The following BCKDHB variants were observed in gnomAD, a reference collection of about 807,000 sequenced individuals.
BCKDHB encodes 2-oxoisovalerate dehydrogenase subunit beta, mitochondrial.
A neutral mutation model predicts 48.5 loss-of-function variants in BCKDHB; 41 were observed. The observed-to-expected ratio is 0.85, with a 90% CI of 0.66 to 1.10. The LOEUF (loss-of-function observed/expected upper bound fraction) is 1.10, where lower values mean the gene tolerates loss of function less well. Ranked by LOEUF, BCKDHB falls within the 50% of genes least tolerant of loss-of-function variation. The pLI, the probability that BCKDHB is intolerant of heterozygous loss-of-function variation, is 0.00. For synonymous variants in BCKDHB, 201 were observed against 174.8 expected, an observed-to-expected ratio of 1.15 and a Z score of -1.18; for missense variants, 496 against 494.2, an observed-to-expected ratio of 1.00 and a Z score of -0.03.
chr6:80,284,935 C>T (rs1348234265), intron 9 of BCKDHB, among the ~76,000 whole-genome samples: 1 of 152,160 alleles, frequency 6.6e-6, no homozygotes, highest in Non-Finnish European at 1.5e-5. Context: ...CAGAACCACT[C>T]AGACAATGTT....
chr6:80,391,735 G>A, the BCKDHB span, among the ~76,000 whole-genome samples: 2 of 152,062 alleles, frequency 1.3e-5, no homozygotes, highest in African/African-American at 2.4e-5. Flanking sequence ...GAAAGAATAA[G>A]AATGCTTTTC....
chr6:80,214,005 T>G (rs1460458628), intron 8 of BCKDHB, among the ~76,000 whole-genome samples: 1 of 152,148 alleles, frequency 6.6e-6, no homozygotes, highest in Non-Finnish European at 1.5e-5. Flanking sequence ...GATTTAGCAT[T>G]CTTTCCTCCC....
chr6:80,307,375 C>CT (rs1767934210), intron 9 of BCKDHB: 11 of 951,464 alleles, frequency 1.2e-5, no homozygotes, highest in East Asian at 1.2e-4. Flanking sequence ...TGTTTATATT[C>CT]TTTTTTCCAT....
chr6:80,447,238 T>C, the BCKDHB span, among the ~76,000 whole-genome samples: 13,412 of 152,126 alleles, frequency 0.088, 1,834 homozygotes, highest in African/African-American at 0.29. Flanking sequence ...AATTCCTGCC[T>C]TATTATATAC....
the BCKDHB span, among the ~76,000 whole-genome samples, chr6:80,407,050 A>T: frequency 6.6e-6 from 1 of 152,126 alleles, no homozygotes; most frequent in Non-Finnish European, 1.5e-5. Flanking sequence ...TAAGGAACGG[A>T]TCTAGTTTTA....
At chr6:80,283,240 A>G (rs1348345209) in intron 9 of BCKDHB, among the ~76,000 whole-genome samples, 1 of 152,122 alleles carries the variant, frequency 6.6e-6, no homozygotes, top group Non-Finnish European at 1.5e-5. Context: ...CTAGCATGTA[A>G]TTGATACTAA....
chr6:80,252,938 C>T (rs1330595706), intron 8 of BCKDHB, among the ~76,000 whole-genome samples: 1 of 152,118 alleles, frequency 6.6e-6, no homozygotes, highest in African/African-American at 2.4e-5. Context: ...CTCCTCTCAG[C>T]ATCATAATGA....
Position 80,344,348 on chromosome 6 carries a change from A to ATTT in BCKDHB, c.*558_*560dup, listed in dbSNP as rs10579475. 198 of 141,048 alleles carry ATTT rather than the reference A, an allele frequency of 1.4e-3. 5 individuals carry two copies. In the South Asian group the frequency reaches 0.031, roughly 22 times the overall value. 8.7% of individuals were successfully genotyped at this position (141,048 alleles called of 1,614,324 possible). A position where few individuals can be genotyped will look rare whatever the true frequency, so the allele number is the denominator to read the frequency against. On this transcript the variant is annotated 3_prime_UTR_variant, in exon 10 of 10. Coordinates refer to ENST00000320393, the MANE Select transcript of BCKDHB (RefSeq NM_183050.4). ...AACATATCTAGCATATGTATATGTG[A>ATTT]TTTTTTTTTTTTTTTTGAGACCGAG...
At chr6:80,406,960 G>A in the BCKDHB span, among the ~76,000 whole-genome samples, 24 of 152,286 alleles carry the variant, frequency 1.6e-4, no homozygotes, top group African/African-American at 4.1e-4. Context: ...TACTGCCTAC[G>A]TTTCCTTCTA....
chr6:80,204,566 G>A (rs569467457), intron 8 of BCKDHB, among the ~76,000 whole-genome samples: 2 of 151,318 alleles, frequency 1.3e-5, no homozygotes, highest in Non-Finnish European at 3.0e-5. Flanking sequence ...AGTGTAGATG[G>A]TGCTTTTGTA....
At chr6:80,401,388 TA>T in the BCKDHB span, among the ~76,000 whole-genome samples, 1 of 151,732 alleles carries the variant, frequency 6.6e-6, no homozygotes, top group African/African-American at 2.4e-5. Flanking sequence ...GACCCCTTTT[TA>T]AATTATTTTT....
chr6:80,369,188 C>T, the BCKDHB span, among the ~76,000 whole-genome samples: 2 of 147,250 alleles, frequency 1.4e-5, no homozygotes. Flanking sequence ...CCAGTGCTTC[C>T]CACTCTGGGT....
intron 8 of BCKDHB, among the ~76,000 whole-genome samples, chr6:80,235,840 G>C (rs1224746016): frequency 6.6e-6 from 1 of 152,162 alleles, no homozygotes; most frequent in Non-Finnish European, 1.5e-5. Context: ...CAGTCAGCTT[G>C]ACTGAGCAGT....
chr6:80,393,592 T>C, the BCKDHB span, among the ~76,000 whole-genome samples: 1 of 152,208 alleles, frequency 6.6e-6, no homozygotes, highest in East Asian at 1.9e-4. Context: ...CTTACAGTTG[T>C]TTATAAGTTA....
intron 9 of BCKDHB, among the ~76,000 whole-genome samples, chr6:80,313,751 C>T (rs117889180): frequency 0.013 from 1,936 of 152,246 alleles, 17 homozygotes; most frequent in Non-Finnish European, 0.021. Flanking sequence ...TGTGTTGCTG[C>T]GTTTTTCAGT....
At chr6:80,454,438 C>A in the BCKDHB span, among the ~76,000 whole-genome samples, 2 of 152,146 alleles carry the variant, frequency 1.3e-5, no homozygotes, top group Non-Finnish European at 2.9e-5. Flanking sequence ...TGTGAACTTG[C>A]TGAGCTGGAA....
intron 9 of BCKDHB, among the ~76,000 whole-genome samples, chr6:80,286,463 G>A (rs1310895017): frequency 6.6e-6 from 1 of 152,134 alleles, no homozygotes; most frequent in Non-Finnish European, 1.5e-5. Context: ...ATAATATAAA[G>A]CAGCATTATC....
intron 6 of BCKDHB, among the ~76,000 whole-genome samples, chr6:80,182,310 G>A (rs1449845729): frequency 1.3e-5 from 2 of 152,136 alleles, no homozygotes; most frequent in Non-Finnish European, 2.9e-5. Flanking sequence ...CTGTGACTGA[G>A]TTAATAAACT....
chr6:80,142,598 A>G (rs1266237930), intron 3 of BCKDHB, among the ~76,000 whole-genome samples: 36 of 152,148 alleles, frequency 2.4e-4, no homozygotes, highest in Admixed American at 2.4e-3. Flanking sequence ...CATTTGAAAA[A>G]TACAGTAGTG....
Sources: gnomAD v4.1 joint callset for allele counts (sites outside exome capture counted in the v4.1 genomes callset) on GRCh38, gnomAD v4.1.1 for gene constraint, MANE v1.5 for transcripts, NCBI Gene and HGNC (gene_info 2026-07-23, HGNC 2026-07-21) for gene names.